The following ENPP7 variants were observed in gnomAD, a reference collection of about 807,000 sequenced individuals.
ENPP7 encodes ectonucleotide pyrophosphatase/phosphodiesterase 7, also known as ectonucleotide pyrophosphatase/phosphodiesterase family member 7.
Under a neutral mutation model 33.6 loss-of-function variants are expected in ENPP7, and 39 were observed. The observed-to-expected ratio is 1.16, with a 90% CI of 0.90 to 1.52. The LOEUF (loss-of-function observed/expected upper bound fraction) is 1.52. ENPP7 is among the 40% of genes most tolerant of loss of function. The probability of loss-of-function intolerance (pLI) is 0.00; values close to 1 mark genes in which losing one functional copy is unlikely to be tolerated. For synonymous variants in ENPP7, 244 were observed against 274.3 expected, an observed-to-expected ratio of 0.89 and a Z score of 1.09; for missense variants, 594 against 641.0, an observed-to-expected ratio of 0.93 and a Z score of 0.79.
chr17:79,732,141 T>TACACATATATAC (rs2094287452), intron 1 of ENPP7, among the ~76,000 whole-genome samples: 1 of 54,546 alleles, frequency 1.8e-5, no homozygotes, highest in African/African-American at 1.0e-4. Context: ...TGTATATATA[T>TACACATATATAC]ATATATATAC....
intron 1 of ENPP7, among the ~76,000 whole-genome samples, chr17:79,732,028 G>A (rs1461759133): frequency 1.1e-4 from 17 of 150,360 alleles, no homozygotes; most frequent in Non-Finnish European, 2.2e-4. Flanking sequence ...AACCCAGGAG[G>A]TGGAAGTTGC....
chr17:79,741,146 A>G (rs549802184), intron 5 of ENPP7, among the ~76,000 whole-genome samples: 91 of 152,128 alleles, frequency 6.0e-4, no homozygotes, highest in African/African-American at 2.1e-3. Context: ...CACCATGCCC[A>G]ACTAATTTTT....
At position 79,735,283 on chromosome 17, in the gene ENPP7, G is replaced by A; in HGVS notation, c.640G>A (p.Glu214Lys). 2 of 1,613,628 alleles carry A rather than the reference G, an allele frequency of 1.2e-6. No homozygotes were observed. The highest frequency in any genetic ancestry group is 1.7e-6 in the Non-Finnish European group (2 of 1,180,026). Residue 214 changes from glutamate to lysine, a missense_variant, in exon 3 of 6, where the codon GAG (glutamate) becomes AAG (lysine). By Grantham distance (56) the Glu-to-Lys change is moderately conservative. Coordinates refer to ENST00000328313, the MANE Select transcript of ENPP7 (RefSeq NM_178543.5). The surrounding 1 kb of genome is among the most constrained non-coding windows in gnomAD (Gnocchi z 5.5). ...RYGPESPERR[E>K]MVRQVDRTVG... Reference sequence around the variant, plus strand: ...CGGCCCCGAGTCCCCGGAGAGGAGGGAGATGGTGCGGCAGGTGGACCGGAC... The same window carrying A: ...CGGCCCCGAGTCCCCGGAGAGGAGGAAGATGGTGCGGCAGGTGGACCGGAC...
chr17:79,733,758 C>T, intron 2 of ENPP7, 105 bp downstream of exon 2: 2 of 1,259,250 alleles, frequency 1.6e-6, no homozygotes, highest in Non-Finnish European at 2.2e-6. Flanking sequence ...TTCCCCACTC[C>T]AGGGTCTCGG....
At chr17:79,734,386 A>G (rs143945982) in intron 2 of ENPP7, among the ~76,000 whole-genome samples, 151,887 of 152,248 alleles carry the variant, frequency 1, 75,765 homozygotes, top group Middle Eastern at 1. Flanking sequence ...CCCTGGCATC[A>G]CAAGGCTCTT....
At chr17:79,741,759 C>A (rs1905542080) in intron 5 of ENPP7, 35 bp from the exon 6 acceptor site, 19 of 985,130 alleles carry the variant, frequency 1.9e-5, no homozygotes, top group Non-Finnish European at 2.3e-5. Context: ...CCCATCCTCT[C>A]CTCCCAGACC....
rs148013202 is a variant in ENPP7 at position 79,737,139 on chromosome 17, G to A, written c.1125G>A (p.Ala375=). ...GCGCTGTGGGCCCTAGCTTCAGGGC[G>A]GGCCTGGAGGTGGAGCCCTTTGAGA... ...IFRAVGPSFR[A]GLEVEPFESV... is the part of the protein sequence containing the mutation. The change falls in exon 4 of 6, where the codon GCG becomes GCA. Residue 375 remains alanine, a synonymous_variant. Transcript: ENST00000328313. The surrounding 1 kb of genome is among the most constrained non-coding windows in gnomAD (Gnocchi z 5.5). 49 of 1,614,094 alleles carry A rather than the reference G, an allele frequency of 3.0e-5. No individual in the cohort carries two copies. In the East Asian group the frequency reaches 4.0e-4, roughly 13 times the overall value.
rs2094287078 is a variant in ENPP7 at position 79,732,125 on chromosome 17, T to TATATATATATACATATATACACAC, written c.253+739_253+740insATATACATATATACACACATATAT. Among the ~76,000 whole-genome samples, 12 of 38,692 alleles carry TATATATATATACATATATACACAC rather than the reference T, an allele frequency of 3.1e-4. 1 individual carries two copies. The highest frequency in any genetic ancestry group is 1.5e-3 in the African/African-American group (12 of 7,850). 25.4% of individuals were successfully genotyped at this position (38,692 alleles called of 152,430 possible). A position where few individuals can be genotyped will look rare whatever the true frequency, so the allele number is the denominator to read the frequency against. ...ATATATATACATATATATATACATATATATATGTATATATATATATATATA... is the reference window on the plus strand; with the variant it reads ...ATATATATACATATATATATACATATATATATATATACATATATACACACATATATGTATATATATATATATATA... On this transcript the variant is annotated intron_variant, in intron 1 of 5. Coordinates refer to ENST00000328313, the MANE Select transcript of ENPP7 (RefSeq NM_178543.5).
At chr17:79,733,411 C>T in intron 1 of ENPP7, 97 bp from the exon 2 acceptor site, 2 of 1,310,010 alleles carry the variant, frequency 1.5e-6, no homozygotes, top group Non-Finnish European at 2.2e-6. Context: ...CACAGGGAAA[C>T]CTGGGCTGTT....
In ENPP7 at chr17:79,739,824, A is replaced by G. The variant is rs189882242; in HGVS notation, c.*16+1762A>G. Among the ~76,000 whole-genome samples the G allele has an allele frequency of 1.7e-3, 260 of 152,340 alleles. No individual in the cohort carries two copies. The highest frequency in any genetic ancestry group is 5.9e-3 in the African/African-American group (245 of 41,580). On this transcript the variant is annotated intron_variant, in intron 5 of 5. Transcript: ENST00000328313. The surrounding 1 kb of genome is among the most constrained non-coding windows in gnomAD (Gnocchi z 4.4). Reference sequence around the variant, plus strand: ...CAGCCAGAAGGAGTGGACTGAGAAGAGATGGTGACCACACCACTCACTGAG... The same window carrying G: ...CAGCCAGAAGGAGTGGACTGAGAAGGGATGGTGACCACACCACTCACTGAG...
Position 79,731,191 on chromosome 17 carries a change from C to T in ENPP7, c.52C>T (p.Pro18Ser), listed in dbSNP as rs1328918549. Reference sequence around the variant, plus strand: ...TGTGGCTCTGGCCACGCTCCTGGCTCCCGGGGCCGGAGCACCGGTACAAAG... The same window carrying T: ...TGTGGCTCTGGCCACGCTCCTGGCTTCCGGGGCCGGAGCACCGGTACAAAG... ...LTVALATLLA[P>S]GAGAPVQSQG... is the part of the protein sequence containing the mutation. The change falls in exon 1 of 6, where the codon CCC (proline) becomes TCC (serine). Residue 18 changes from proline (P) to serine (S), a missense_variant. Physicochemically the swap from Pro to Ser is moderately conservative, Grantham distance 74. Transcript: ENST00000328313. 4.3e-6 allele frequency: 7 copies of T among 1,611,488 alleles called. No individual in the cohort carries two copies. The South Asian group carries it at 6.6e-5, about 15-fold the overall frequency.
Position 79,731,006 on chromosome 17 carries a change from G to A in ENPP7, c.-134G>A, listed in dbSNP as rs1315161552. ...GCTGGGGAGCCCACTCCCGAGGTTC[G>A]ACCCGGGGATGTGCACAGCCACATT... On this transcript the variant is annotated 5_prime_UTR_variant, in exon 1 of 6. Transcript: ENST00000328313. 2.9e-6 allele frequency: 3 copies of A among 1,022,116 alleles called. No homozygotes were observed. The highest frequency in any genetic ancestry group is 4.1e-6 in the Non-Finnish European group (3 of 723,196). The allele number at this position is 1,022,116 out of a possible 1,614,324, so 63.3% of individuals were successfully genotyped here.
In ENPP7 at chr17:79,731,051, G is replaced by T. The variant is rs1489249745; in HGVS notation, c.-89G>T. The T allele has an allele frequency of 5.0e-6, 7 of 1,402,696 alleles. No individual in the cohort carries two copies. The highest frequency in any genetic ancestry group is 2.8e-5 in the African/African-American group (2 of 70,274). 86.9% of individuals were successfully genotyped at this position (1,402,696 alleles called of 1,614,324 possible). A position where few individuals can be genotyped will look rare whatever the true frequency, so the allele number is the denominator to read the frequency against. On this transcript the variant is annotated 5_prime_UTR_variant, in exon 1 of 6. Coordinates refer to ENST00000328313, the MANE Select transcript of ENPP7 (RefSeq NM_178543.5). ...CACATTCCAAAGGCGCACGGGATGA[G>T]ATCAGCCCGGGTGACCCTGGGACTT...
chr17:79,732,735 T>C (rs782310079), intron 1 of ENPP7, among the ~76,000 whole-genome samples: 1 of 152,246 alleles, frequency 6.6e-6, no homozygotes, highest in African/African-American at 2.4e-5. Context: ...CACACTTCTC[T>C]GGTATACATC....
rs782232450 is a variant in ENPP7 at position 79,737,192 on chromosome 17, G to A, written c.1178G>A (p.Arg393Gln). 3.3e-5 allele frequency: 54 copies of A among 1,613,096 alleles called. No individual in the cohort carries two copies. Among genetic ancestry groups the A allele is most frequent in the South Asian group, 1.2e-4 (11 of 91,086 alleles). ...ESVHVYELMCRLLGIVPEAND... is the reference protein window; with the variant it reads ...ESVHVYELMCQLLGIVPEAND... Reference sequence around the variant, plus strand: ...GTCCACGTGTACGAGCTCATGTGCCGGCTGCTGGGCATCGTGCCCGAGGCC... The same window carrying A: ...GTCCACGTGTACGAGCTCATGTGCCAGCTGCTGGGCATCGTGCCCGAGGCC... The change falls in exon 4 of 6, where the codon CGG becomes CAG. Residue 393 changes from arginine (R) to glutamine (Q), a missense_variant. Arg to Gln is a conservative substitution (Grantham distance 43). Around this residue, in one of 3 missense-constraint regions of ENPP7, gnomAD observed 504 missense variants for 512.8 expected, o/e 0.98. Coordinates refer to ENST00000328313, the MANE Select transcript of ENPP7 (RefSeq NM_178543.5). This position sits in a 1 kb window ranked among gnomAD's most constrained non-coding sequence, Gnocchi z 5.5.
rs1265125254 is a variant in ENPP7, at chr17:79,735,947, T to C, written c.1026+278T>C. ...CATTTGAGACAGAGTTTCACTCTTG[T>C]CATCCAGGCTGGAGGGTAATGGTGC... is the stretch of plus-strand genomic sequence containing the variant. On this transcript the variant is annotated intron_variant, in intron 3 of 5. Transcript: ENST00000328313. The surrounding 1 kb of genome is among the most constrained non-coding windows in gnomAD (Gnocchi z 5.5). Among the ~76,000 whole-genome samples the C allele has an allele frequency of 6.6e-6, 1 of 152,186 alleles. No individual in the cohort carries two copies. The highest frequency in any genetic ancestry group is 1.5e-5 in the Non-Finnish European group (1 of 68,026).
At chr17:79,731,646 G>C (rs1379528515) in intron 1 of ENPP7, among the ~76,000 whole-genome samples, 1 of 152,208 alleles carries the variant, frequency 6.6e-6, no homozygotes, top group Non-Finnish European at 1.5e-5. Flanking sequence ...GGAGTGTGGC[G>C]GGCTCCCCGC....
chr17:79,733,682 C>G (rs781800266), intron 2 of ENPP7, 29 bp downstream of exon 2: 1 of 1,578,522 alleles, frequency 6.3e-7, no homozygotes, highest in African/African-American at 1.3e-5. Context: ...ATACTGACAT[C>G]GCAGAGCACG....
Position 79,738,178 on chromosome 17 carries a change from C to A in ENPP7, c.*16+116C>A. 9.2e-7 allele frequency: 1 copy of A among 1,082,590 alleles called. No homozygotes were observed. The highest frequency in any genetic ancestry group is 1.3e-6 in the Non-Finnish European group (1 of 749,658). The allele number at this position is 1,082,590 out of a possible 1,614,324, so 67.1% of individuals were successfully genotyped here. On this transcript the variant is annotated intron_variant, in intron 5 of 5. Coordinates refer to ENST00000328313, the MANE Select transcript of ENPP7 (RefSeq NM_178543.5). The surrounding 1 kb of genome is among the most constrained non-coding windows in gnomAD (Gnocchi z 6.2). ...AACAGAGCTGCCAGGCCCCGCCAAG[C>A]AGGTGACTCCCACTGACCTGGCTGC... is the stretch of plus-strand genomic sequence containing the variant.
Sources: allele counts gnomAD v4.1 joint callset (sites outside exome capture counted in the v4.1 genomes callset), GRCh38; gene constraint gnomAD v4.1.1; regional missense constraint gnomAD v4.1.1; non-coding constraint Gnocchi (gnomAD v3.1); transcripts MANE v1.5; gene names NCBI Gene and HGNC (gene_info 2026-07-23, HGNC 2026-07-21).